UNC5C: variants seen among roughly 807,000 people sequenced by gnomAD.
The protein encoded by UNC5C is unc-5 netrin receptor C, also known as netrin receptor UNC5C.
In UNC5C, 47 loss-of-function variants were observed where a neutral mutation model predicts 99.8. That is an observed-to-expected ratio of 0.47 (90% CI 0.37 to 0.60). UNC5C has a LOEUF of 0.60. Among genes scored for constraint, UNC5C ranks in the 20% least tolerant of loss-of-function variants. The probability of loss-of-function intolerance (pLI) is 0.00; values close to 1 mark genes in which losing one functional copy is unlikely to be tolerated. For synonymous variants in UNC5C, 487 were observed against 452.2 expected, an observed-to-expected ratio of 1.08 and a Z score of -0.98; for missense variants, 1,062 against 1,165.9, an observed-to-expected ratio of 0.91 and a Z score of 1.30.
In UNC5C at chr4:95,405,166, G is replaced by A. The variant is rs114318785; in HGVS notation, c.125-69535C>T. ...AAAAGGCAGAGCGTCCATTGAGCCC[G>A]TTAACATTCAAGCCATCTGAGGACA... On this transcript the variant is annotated intron_variant, in intron 1 of 15. Coordinates refer to ENST00000453304, the MANE Select transcript of UNC5C (RefSeq NM_003728.4). Among the ~76,000 whole-genome samples, 105 of 152,268 alleles carry A rather than the reference G, an allele frequency of 6.9e-4. 1 individual carries two copies. Among genetic ancestry groups the A allele is most frequent in the Non-Finnish European group, 1.3e-3 (90 of 68,032 alleles).
chr4:95,235,867 A>G (rs1739091791), intron 7 of UNC5C, among the ~76,000 whole-genome samples: 1 of 152,210 alleles, frequency 6.6e-6, no homozygotes, highest in Non-Finnish European at 1.5e-5. Context: ...AGAAATGCAA[A>G]TCAAAACCAC....
intron 3 of UNC5C, among the ~76,000 whole-genome samples, chr4:95,279,215 G>A (rs1330984573): frequency 6.6e-6 from 1 of 152,158 alleles, no homozygotes; most frequent in African/African-American, 2.4e-5. Context: ...ACAAGGCAGA[G>A]AAAAGAGAAT....
In UNC5C at chr4:95,341,506, A is replaced by G. The variant is rs2621444; in HGVS notation, c.125-5875T>C. Among the ~76,000 whole-genome samples the G allele has an allele frequency of 0.014, 585 of 41,830 alleles. 8 individuals carry two copies. The East Asian group carries it at 0.38, about 27-fold the overall frequency. 27.4% of individuals were successfully genotyped at this position (41,830 alleles called of 152,430 possible). ...AGAGAAAGAAAGAAAGAAGAAAGAG[A>G]GAGAAAGAAAGAAAGAAAGAAAAAA... On this transcript the variant is annotated intron_variant, in intron 1 of 15. Coordinates refer to ENST00000453304, the MANE Select transcript of UNC5C (RefSeq NM_003728.4).
intron 1 of UNC5C, among the ~76,000 whole-genome samples, chr4:95,513,216 C>A (rs541469954): frequency 8.1e-4 from 124 of 152,262 alleles, no homozygotes; most frequent in African/African-American, 2.9e-3. Context: ...CTAATGTGGG[C>A]TGCTCTGGTG....
rs1394529450 is a variant in UNC5C, at chr4:95,409,697, T to C, written c.125-74066A>G. Among the ~76,000 whole-genome samples the C allele has an allele frequency of 4.6e-5, 7 of 152,284 alleles. No homozygotes were observed. The South Asian group carries it at 1.0e-3, about 23-fold the overall frequency. ...GATATGTCTCTTGGACAGGCCCTCA[T>C]TGACCAGGCAAACTAAATCAAGCAC... On this transcript the variant is annotated intron_variant, in intron 1 of 15. Transcript: ENST00000453304.
At chr4:95,214,401 G>A (rs1371097737) in intron 10 of UNC5C, among the ~76,000 whole-genome samples, 1 of 152,224 alleles carries the variant, frequency 6.6e-6, no homozygotes, top group Non-Finnish European at 1.5e-5. Flanking sequence ...GGTAGGCATA[G>A]CAAGGAGTGA....
chr4:95,256,925 G>T (rs1210740407), intron 4 of UNC5C, among the ~76,000 whole-genome samples: 1 of 151,764 alleles, frequency 6.6e-6, no homozygotes, highest in Non-Finnish European at 1.5e-5. Flanking sequence ...GGCCAGTCTA[G>T]ACTTTTTATG....
At chr4:95,268,266 C>T (rs548905428) in intron 4 of UNC5C, among the ~76,000 whole-genome samples, 17 of 152,274 alleles carry the variant, frequency 1.1e-4, no homozygotes, top group Admixed American at 2.0e-4. Context: ...TAACCTTTTA[C>T]ATAAAGTTGA....
intron 4 of UNC5C, among the ~76,000 whole-genome samples, chr4:95,276,500 C>G (rs560965134): frequency 6.6e-6 from 1 of 152,042 alleles, no homozygotes; most frequent in African/African-American, 2.4e-5. Context: ...GATCTCCCCC[C>G]ACCTAAAGTC....
At chr4:95,194,051 A>G (rs933932804) in intron 12 of UNC5C, among the ~76,000 whole-genome samples, 3 of 152,080 alleles carry the variant, frequency 2.0e-5, no homozygotes, top group South Asian at 2.1e-4. Context: ...CTTCGTTTCT[A>G]GGGCTCTGCC....
chr4:95,396,443 C>T (rs1458287872), intron 1 of UNC5C, among the ~76,000 whole-genome samples: 1 of 152,034 alleles, frequency 6.6e-6, no homozygotes, highest in African/African-American at 2.4e-5. Flanking sequence ...TTAATTTTAT[C>T]TAAAGGCAAT....
intron 1 of UNC5C, among the ~76,000 whole-genome samples, chr4:95,354,189 T>C (rs2626070): frequency 0.45 from 67,899 of 151,604 alleles, 15,982 homozygotes; most frequent in African/African-American, 0.59. Context: ...TTCATAACTG[T>C]TGTTGTGTGC....
chr4:95,276,833 C>T (rs2865417), intron 4 of UNC5C, among the ~76,000 whole-genome samples: 34,328 of 151,398 alleles, frequency 0.23, 7,389 homozygotes, highest in African/African-American at 0.55. Context: ...CAAATTAAGG[C>T]AAAAAAATAA....
intron 1 of UNC5C, among the ~76,000 whole-genome samples, chr4:95,411,374 A>G (rs1010667334): frequency 6.6e-6 from 1 of 152,188 alleles, no homozygotes; most frequent in African/African-American, 2.4e-5. Context: ...AATTTTAAAG[A>G]GAAAGTTATC....
intron 1 of UNC5C, among the ~76,000 whole-genome samples, chr4:95,351,212 A>T (rs541678396): frequency 2.0e-5 from 3 of 151,910 alleles, no homozygotes; most frequent in East Asian, 3.9e-4. Context: ...TTCCTGGTTC[A>T]CTTTTCTTCC....
intron 1 of UNC5C, among the ~76,000 whole-genome samples, chr4:95,396,516 G>A (rs192075930): frequency 1.5e-4 from 23 of 152,256 alleles, no homozygotes; most frequent in Middle Eastern, 3.4e-3. Context: ...AGGCAGACAG[G>A]GATGGCTTGA....
At chr4:95,354,479 A>ATATATATATTTTTTTTTTTTT in intron 1 of UNC5C, among the ~76,000 whole-genome samples, 2 of 110,352 alleles carry the variant, frequency 1.8e-5, no homozygotes, top group Admixed American at 9.4e-5. Flanking sequence ...ATATATATAT[A>ATATATATATTTTTTTTTTTTT]TTTTTTTTTT....
rs200814959 is a variant in UNC5C, at chr4:95,242,539, G to C, written c.998C>G (p.Thr333Ser). ...SKWSTCGTEC[T>S]HWRRRECTAP... is the part of the protein sequence containing the mutation. The stretch of plus-strand genomic sequence containing the variant: ...CGTGCACTCCCTCCTGCGCCAGTGG[G>C]TGCACTCAGTTCCACAAGTAGACCA... Residue 333 changes from threonine (T) to serine (S), a missense_variant, in exon 7 of 16, where the codon ACC becomes AGC. By Grantham distance (58) the Thr-to-Ser change is moderately conservative. Transcript: ENST00000453304. 1 of 1,610,902 alleles carries C rather than the reference G, an allele frequency of 6.2e-7. No individual in the cohort carries two copies. Among genetic ancestry groups the C allele is most frequent in the Non-Finnish European group, 8.5e-7 (1 of 1,178,542 alleles).
chr4:95,470,563 G>C (rs1277282178), intron 1 of UNC5C, among the ~76,000 whole-genome samples: 1 of 151,934 alleles, frequency 6.6e-6, no homozygotes, highest in African/African-American at 2.4e-5. Flanking sequence ...GGCAGGTAGT[G>C]GACAATAAAG....
Sources: allele counts gnomAD v4.1 joint callset (sites outside exome capture counted in the v4.1 genomes callset), GRCh38; gene constraint gnomAD v4.1.1; transcripts MANE v1.5; gene names NCBI Gene and HGNC (gene_info 2026-07-23, HGNC 2026-07-21).